The following CCSER1 variants were observed in gnomAD, a reference collection of about 807,000 sequenced individuals.
CCSER1 encodes coiled-coil serine rich protein 1.
Under a neutral mutation model 82.0 loss-of-function variants are expected in CCSER1, and 41 were observed. The ratio of observed to expected loss-of-function variants is 0.50; its 90% CI spans 0.39 to 0.65. The LOEUF (loss-of-function observed/expected upper bound fraction) is 0.65. CCSER1 is among the 30% of genes least tolerant of loss of function. The pLI, the probability that CCSER1 is intolerant of heterozygous loss-of-function variation, is 0.00. For synonymous variants in CCSER1, 414 were observed against 383.9 expected (o/e 1.08, Z -0.92); for missense variants, 1,119 against 1,064.2 (o/e 1.05, Z -0.72).
At chr4:91,328,862 T>C (rs964582161) in intron 10 of CCSER1, among the ~76,000 whole-genome samples, 1 of 152,138 alleles carries the variant, frequency 6.6e-6, no homozygotes, top group Non-Finnish European at 1.5e-5. Context: ...AGTTGAATCA[T>C]GGTAGCAGTT....
intron 10 of CCSER1, among the ~76,000 whole-genome samples, chr4:91,290,254 T>C (rs1411328625): frequency 6.6e-6 from 1 of 152,020 alleles, no homozygotes; most frequent in Non-Finnish European, 1.5e-5. Flanking sequence ...GTGGAATGAA[T>C]GAAATGAAAA....
chr4:91,255,220 C>T (rs1242223412), intron 10 of CCSER1, among the ~76,000 whole-genome samples: 2 of 152,064 alleles, frequency 1.3e-5, no homozygotes, highest in Non-Finnish European at 2.9e-5. Flanking sequence ...TGATGACAGC[C>T]TTTACCATTT....
intron 3 of CCSER1, among the ~76,000 whole-genome samples, chr4:90,395,533 A>G (rs1367085099): frequency 2.0e-5 from 3 of 152,174 alleles, no homozygotes; most frequent in Admixed American, 2.0e-4. Context: ...TGAGTTGTCA[A>G]CTAGATGACT....
At position 91,043,223 on chromosome 4, in the gene CCSER1, A is replaced by C. The variant is rs373798693; in HGVS notation, c.2173-42727A>C. Among the ~76,000 whole-genome samples, 428 of 152,216 alleles carry C rather than the reference A, an allele frequency of 2.8e-3. 4 individuals are homozygous for C. The highest frequency in any genetic ancestry group is 1.9e-3 in the Non-Finnish European group (126 of 68,022). On this transcript the variant is annotated intron_variant, in intron 9 of 10. Coordinates refer to ENST00000509176, the MANE Select transcript of CCSER1 (RefSeq NM_001145065.2). ...AGTCCTGATGATAAGGCATTCACTA[A>C]AAAAAGAAATGTTATTATGAAAATA... is the stretch of plus-strand genomic sequence containing the variant.
At chr4:91,049,439 C>T (rs77391607) in intron 9 of CCSER1, among the ~76,000 whole-genome samples, 359 of 152,256 alleles carry the variant, frequency 2.4e-3, no homozygotes, top group Non-Finnish European at 3.7e-3. Flanking sequence ...CATTCAAGTC[C>T]AGAGCCTCAA....
rs183697283 is a variant in CCSER1, at chr4:91,600,277, T to C, written c.*1220T>C. The C allele has an allele frequency of 6.4e-4, 97 of 152,298 alleles. No homozygotes were observed. Among genetic ancestry groups the C allele is most frequent in the African/African-American group, 1.5e-3 (61 of 41,576 alleles). The allele number at this position is 152,298 out of a possible 1,614,324, so 9.4% of individuals were successfully genotyped here. On this transcript the variant is annotated 3_prime_UTR_variant, in exon 11 of 11. Transcript: ENST00000509176. Reference sequence around the variant, plus strand: ...TTAGATCAATATATGAATTGATCTATGGATAATTCCATCATGTTCAATTAG... The same window carrying C: ...TTAGATCAATATATGAATTGATCTACGGATAATTCCATCATGTTCAATTAG...
At position 91,384,759 on chromosome 4, in the gene CCSER1, A is replaced by T. The variant is rs116835309; in HGVS notation, c.2218-213813A>T. On this transcript the variant is annotated intron_variant, in intron 10 of 10. Coordinates refer to ENST00000509176, the MANE Select transcript of CCSER1 (RefSeq NM_001145065.2). ...AACTTTTCATGACAAAGTGCACCGTAGGCAAAGTCAAAGGACAAATAAAAA... is the reference window on the plus strand; with the variant it reads ...AACTTTTCATGACAAAGTGCACCGTTGGCAAAGTCAAAGGACAAATAAAAA... Among the ~76,000 whole-genome samples, 457 of 152,216 alleles carry T rather than the reference A, an allele frequency of 3.0e-3. 1 individual carries two copies. Among genetic ancestry groups the T allele is most frequent in the African/African-American group, 0.01 (431 of 41,566 alleles).
intron 1 of CCSER1, among the ~76,000 whole-genome samples, chr4:90,220,410 C>T (rs907497060): frequency 1.3e-5 from 2 of 151,470 alleles, no homozygotes; most frequent in African/African-American, 4.9e-5. Flanking sequence ...TTAACTTTGT[C>T]GCCTATGTGA....
intron 10 of CCSER1, among the ~76,000 whole-genome samples, chr4:91,181,813 A>G (rs1220692232): frequency 6.6e-6 from 1 of 152,208 alleles, no homozygotes; most frequent in African/African-American, 2.4e-5. Context: ...TGAGGGCGAT[A>G]TGCCTCAATT....
At chr4:90,191,407 G>A (rs1013456715) in intron 1 of CCSER1, among the ~76,000 whole-genome samples, 8 of 151,972 alleles carry the variant, frequency 5.3e-5, no homozygotes, top group African/African-American at 1.9e-4. Context: ...TGCCAAGCTG[G>A]CCTGGCCCTT....
chr4:91,168,039 G>A (rs1209368470), intron 10 of CCSER1, among the ~76,000 whole-genome samples: 3 of 149,234 alleles, frequency 2.0e-5, no homozygotes, highest in African/African-American at 7.4e-5. Flanking sequence ...CATCTGGGAA[G>A]TGAGGGGCAC....
intron 7 of CCSER1, among the ~76,000 whole-genome samples, chr4:90,733,308 ATG>A (rs1745069466): frequency 6.6e-6 from 1 of 152,118 alleles, no homozygotes; most frequent in Non-Finnish European, 1.5e-5. Flanking sequence ...CTTTTGATAT[ATG>A]TGTTTCCCAT....
intron 1 of CCSER1, among the ~76,000 whole-genome samples, chr4:90,233,746 A>T (rs1471487704): frequency 6.6e-6 from 1 of 151,662 alleles, no homozygotes; most frequent in Non-Finnish European, 1.5e-5. Context: ...AAATTATTAT[A>T]GAAAAAGCAG....
chr4:91,174,503 G>C (rs961826393), intron 10 of CCSER1, among the ~76,000 whole-genome samples: 1 of 152,034 alleles, frequency 6.6e-6, no homozygotes, highest in Non-Finnish European at 1.5e-5. Context: ...ATGCAGGTTT[G>C]TTACATAGGT....
chr4:90,475,964 A>G (rs894304389), intron 5 of CCSER1, among the ~76,000 whole-genome samples: 4 of 152,092 alleles, frequency 2.6e-5, no homozygotes, highest in African/African-American at 9.7e-5. Flanking sequence ...GGTCAGCTTT[A>G]CAATGGGCCC....
chr4:91,016,427 T>C (rs1318585377), intron 9 of CCSER1, among the ~76,000 whole-genome samples: 1 of 152,026 alleles, frequency 6.6e-6, no homozygotes, highest in African/African-American at 2.4e-5. Flanking sequence ...ACTTCAGACA[T>C]ATGTTTTAAA....
chr4:90,913,140 C>A (rs537862502), intron 8 of CCSER1, among the ~76,000 whole-genome samples: 1 of 152,126 alleles, frequency 6.6e-6, no homozygotes, highest in African/African-American at 2.4e-5. Context: ...ACAGAGAACA[C>A]CACAAAGATA....
intron 10 of CCSER1, among the ~76,000 whole-genome samples, chr4:91,412,387 G>T (rs1225008908): frequency 1.3e-5 from 2 of 151,896 alleles, no homozygotes; most frequent in Non-Finnish European, 2.9e-5. Flanking sequence ...GGCCAATACT[G>T]CTTGTCCAGA....
At chr4:90,609,682 G>A (rs989618872) in intron 5 of CCSER1, among the ~76,000 whole-genome samples, 3 of 152,134 alleles carry the variant, frequency 2.0e-5, no homozygotes, top group African/African-American at 7.2e-5. Flanking sequence ...TTAGATACCT[G>A]TCTCTAAATC....
Sources: gnomAD v4.1 joint callset for allele counts (sites outside exome capture counted in the v4.1 genomes callset) on GRCh38, gnomAD v4.1.1 for gene constraint, MANE v1.5 for transcripts, NCBI Gene and HGNC (gene_info 2026-07-23, HGNC 2026-07-21) for gene names.